WDFY3: variants seen among roughly 807,000 people sequenced by gnomAD.
WDFY3 encodes WD repeat and FYVE domain containing 3.
In WDFY3, 66 loss-of-function variants were observed where a neutral mutation model predicts 409.6. The observed-to-expected ratio is 0.16, with a 90% CI of 0.13 to 0.20. The LOEUF (loss-of-function observed/expected upper bound fraction) is 0.20. Among genes scored for constraint, WDFY3 ranks in the 10% least tolerant of loss-of-function variants. WDFY3 has a pLI of 1.00. For missense variants in WDFY3, 3,031 were observed against 4,298.1 expected, an observed-to-expected ratio of 0.71 and a Z score of 8.24; for synonymous variants, 1,521 against 1,537.1, an observed-to-expected ratio of 0.99 and a Z score of 0.25.
intron 1 of WDFY3, among the ~76,000 whole-genome samples, chr4:84,963,052 T>C (rs1358263451): frequency 6.7e-6 from 1 of 150,332 alleles, no homozygotes; most frequent in East Asian, 2.0e-4. Flanking sequence ...TCAGTGTAAA[T>C]ATCAGGAAGG....
Position 84,821,415 on chromosome 4 carries a change from G to C in WDFY3, c.1260C>G (p.Ile420Met). 1.2e-6 allele frequency: 2 copies of C among 1,613,898 alleles called. No individual in the cohort carries two copies. Among genetic ancestry groups the C allele is most frequent in the Non-Finnish European group, 8.5e-7 (1 of 1,179,896 alleles). ...IYMADNANYF[I>M]LESQHTLSQF... Reference sequence around the variant, plus strand: ...GTGACAATGTGTGCTGTGACTCTAGGATGAAGTAATTGGCATTGTCAGCCA... The same window carrying C: ...GTGACAATGTGTGCTGTGACTCTAGCATGAAGTAATTGGCATTGTCAGCCA... The change falls in exon 11 of 68, where the codon ATC becomes ATG. Residue 420 changes from isoleucine (I) to methionine (M), a missense_variant. This residue lies in a region of WDFY3 where 1,322 missense variants were observed against 1,697.9 expected (regional missense o/e 0.78). Transcript: ENST00000295888.
chr4:84,823,646 C>G (rs1365514166), intron 10 of WDFY3, among the ~76,000 whole-genome samples: 2 of 152,048 alleles, frequency 1.3e-5, no homozygotes, highest in Non-Finnish European at 2.9e-5. Context: ...GGTAGAGAAA[C>G]AGATGGTGAC....
At chr4:84,913,818 T>G (rs1380673304) in intron 2 of WDFY3, among the ~76,000 whole-genome samples, 1 of 151,102 alleles carries the variant, frequency 6.6e-6, no homozygotes, top group Non-Finnish European at 1.5e-5. Context: ...TGTGCCTGCC[T>G]CTCCTGCCTC....
intron 13 of WDFY3, among the ~76,000 whole-genome samples, chr4:84,816,926 T>G (rs1181759449): frequency 6.6e-6 from 1 of 152,124 alleles, no homozygotes; most frequent in Admixed American, 6.6e-5. Flanking sequence ...TAATTTATAG[T>G]ATTACTAAGG....
chr4:84,960,923 C>T (rs895084148), intron 1 of WDFY3, among the ~76,000 whole-genome samples: 2 of 152,108 alleles, frequency 1.3e-5, no homozygotes, highest in African/African-American at 4.8e-5. Context: ...ACTAAAACTA[C>T]GTGAAATTTC....
At position 84,839,379 on chromosome 4, in the gene WDFY3, G is replaced by C. The variant is rs75481614; in HGVS notation, c.414+1775C>G. On this transcript the variant is annotated intron_variant, in intron 6 of 67. Coordinates refer to ENST00000295888, the MANE Select transcript of WDFY3 (RefSeq NM_014991.6). ...GAACTGAGATTTTGTTACTCATCCAGTAGAGTCAGATACATGAAAACAATG... is the reference window on the plus strand; with the variant it reads ...GAACTGAGATTTTGTTACTCATCCACTAGAGTCAGATACATGAAAACAATG... Among the ~76,000 whole-genome samples the C allele has an allele frequency of 5.6e-3, 854 of 152,198 alleles. 9 individuals are homozygous for C. The highest frequency in any genetic ancestry group is 0.02 in the African/African-American group (818 of 41,506).
intron 2 of WDFY3, among the ~76,000 whole-genome samples, chr4:84,924,601 G>A (rs1400107461): frequency 6.6e-6 from 1 of 152,136 alleles, no homozygotes; most frequent in East Asian, 1.9e-4. Context: ...AGTAGCCCAA[G>A]GTCACATGCT....
intron 62 of WDFY3, among the ~76,000 whole-genome samples, chr4:84,687,067 T>C (rs1728449047): frequency 6.6e-6 from 1 of 152,238 alleles, no homozygotes; most frequent in South Asian, 2.1e-4. Flanking sequence ...TTTCTCTTGT[T>C]TGGGTACCCA....
At chr4:84,678,798 G>T in intron 65 of WDFY3, 121 bp downstream of exon 65, 1 of 1,072,706 alleles carries the variant, frequency 9.3e-7, no homozygotes, top group Non-Finnish European at 1.3e-6. Flanking sequence ...CTGTGTGAGT[G>T]GCCCAGCTCA....
intron 54 of WDFY3, 24 bp downstream of exon 54, chr4:84,705,370 C>T: frequency 6.3e-7 from 1 of 1,593,642 alleles, no homozygotes; most frequent in Non-Finnish European, 8.6e-7. Context: ...GGTACAAAGT[C>T]CAATGACAGA....
intron 1 of WDFY3, among the ~76,000 whole-genome samples, chr4:84,947,650 C>T (rs1579248676): frequency 1.3e-5 from 2 of 148,584 alleles, no homozygotes; most frequent in East Asian, 2.0e-4. Flanking sequence ...CAGTCAAGAT[C>T]GCTTGAGTCC....
intron 3 of WDFY3, among the ~76,000 whole-genome samples, chr4:84,862,133 C>T (rs559122344): frequency 1.3e-5 from 2 of 152,354 alleles, no homozygotes; most frequent in African/African-American, 2.4e-5. Flanking sequence ...TTCAAACACA[C>T]TTGCCCTTGA....
intron 2 of WDFY3, among the ~76,000 whole-genome samples, chr4:84,928,483 G>C (rs1770300196): frequency 6.6e-6 from 1 of 152,004 alleles, no homozygotes; most frequent in African/African-American, 2.4e-5. Flanking sequence ...TCAATCGATA[G>C]CCTGTCTCTC....
At chr4:84,920,339 T>A (rs983319859) in intron 2 of WDFY3, among the ~76,000 whole-genome samples, 2 of 152,160 alleles carry the variant, frequency 1.3e-5, no homozygotes, top group Non-Finnish European at 2.9e-5. Flanking sequence ...ACTGCTAATA[T>A]AAGAGATGAT....
Position 84,796,509 on chromosome 4 carries a change from C to T in WDFY3, c.3167+12G>A, listed in dbSNP as rs763192222. The T allele has an allele frequency of 2.0e-6, 3 of 1,517,084 alleles. No homozygotes were observed. Among genetic ancestry groups the T allele is most frequent in the Non-Finnish European group, 2.7e-6 (3 of 1,127,862 alleles). The allele number at this position is 1,517,084 out of a possible 1,614,324, so 94.0% of individuals were successfully genotyped here. On this transcript the variant is annotated intron_variant, in intron 19 of 67. Transcript: ENST00000295888. ...AAAACCATAAAGGTTGGCTTCCTTG[C>T]AAATTTCTTACCCAAACCCTTCAAG... is the stretch of plus-strand genomic sequence containing the variant.
chr4:84,828,304 T>C (rs1405243222), intron 9 of WDFY3, among the ~76,000 whole-genome samples: 1 of 152,188 alleles, frequency 6.6e-6, no homozygotes, highest in Non-Finnish European at 1.5e-5. Context: ...AGTAACACAT[T>C]TTGAAATTAT....
Position 84,780,361 on chromosome 4 carries a change from A to G in WDFY3, c.4175-63T>C. 2.8e-6 allele frequency: 4 copies of G among 1,445,682 alleles called. No homozygotes were observed. In the East Asian group the frequency reaches 7.3e-5, roughly 26 times the overall value. The allele number at this position is 1,445,682 out of a possible 1,614,324, so 89.6% of individuals were successfully genotyped here. Reference sequence around the variant, plus strand: ...CCCCATGTGAACAAGAACTGTATACATCATCTTGAAAAGTTTTTTAATTAG... The same window carrying G: ...CCCCATGTGAACAAGAACTGTATACGTCATCTTGAAAAGTTTTTTAATTAG... On this transcript the variant is annotated intron_variant, in intron 25 of 67. Coordinates refer to ENST00000295888, the MANE Select transcript of WDFY3 (RefSeq NM_014991.6).
Position 84,826,812 on chromosome 4 carries a change from C to T in WDFY3, c.1123+3G>A. ...AGCACAGAAGGGAAAAAACAAGACT[C>T]ACCTTTGCCTGCAGGCTGAGGTACT... On this transcript the variant is annotated splice_donor_region_variant and intron_variant, in intron 10 of 67. Transcript: ENST00000295888. The T allele has an allele frequency of 1.3e-6, 2 of 1,591,508 alleles. No individual in the cohort carries two copies. Among genetic ancestry groups the T allele is most frequent in the Non-Finnish European group, 1.7e-6 (2 of 1,173,876 alleles).
intron 49 of WDFY3, among the ~76,000 whole-genome samples, chr4:84,716,083 T>C (rs1290211695): frequency 1.3e-5 from 2 of 152,110 alleles, no homozygotes; most frequent in East Asian, 3.9e-4. Flanking sequence ...AAATGCATTA[T>C]ACAAAATTAT....
Sources: allele counts gnomAD v4.1 joint callset (sites outside exome capture counted in the v4.1 genomes callset), GRCh38; gene constraint gnomAD v4.1.1; regional missense constraint gnomAD v4.1.1; transcripts MANE v1.5; gene names NCBI Gene and HGNC (gene_info 2026-07-23, HGNC 2026-07-21).